Variants in EYS observed in about 807,000 individuals in gnomAD.
The protein encoded by EYS is protein eyes shut homolog.
A neutral mutation model predicts 282.1 loss-of-function variants in EYS; 250 were observed. The ratio of observed to expected loss-of-function variants is 0.89; its 90% CI spans 0.80 to 0.98. The LOEUF is 0.98. EYS is among the 50% of genes least tolerant of loss of function. EYS has a pLI of 0.00. For synonymous variants in EYS, 1,355 were observed against 1,282.9 expected (o/e 1.06, Z -1.20); for missense variants, 4,016 against 3,709.0 (o/e 1.08, Z -2.15).
chr6:64,997,772 C>T, intron 13 of EYS, 69 bp from the exon 14 acceptor site: 3 of 1,394,164 alleles, frequency 2.2e-6, no homozygotes, highest in Non-Finnish European at 2.9e-6. Context: ...TATAATTAGT[C>T]TAAAATTCTA....
chr6:64,240,737 C>T (rs1018263062), intron 30 of EYS, among the ~76,000 whole-genome samples: 1 of 152,086 alleles, frequency 6.6e-6, no homozygotes, highest in Non-Finnish European at 1.5e-5. Context: ...ATTGAATACC[C>T]CTTGTTTCTT....
intron 18 of EYS, among the ~76,000 whole-genome samples, chr6:64,890,057 C>CAG (rs1767235635): frequency 8.2e-6 from 1 of 121,832 alleles, no homozygotes; most frequent in Non-Finnish European, 1.8e-5. Flanking sequence ...CCCCCCCCCC[C>CAG]AAGGTGTGCC....
chr6:65,405,388 G>GAAAAAA, intron 5 of EYS, 21 bp from the exon 6 acceptor site: 2 of 1,484,970 alleles, frequency 1.3e-6, no homozygotes, highest in Non-Finnish European at 1.8e-6. Flanking sequence ...TCACACACAA[G>GAAAAAA]AAAAAAAAAG....
intron 35 of EYS, among the ~76,000 whole-genome samples, chr6:63,908,522 C>A (rs1773839782): frequency 6.6e-6 from 1 of 152,026 alleles, no homozygotes; most frequent in Non-Finnish European, 1.5e-5. Context: ...GCGATCTTGG[C>A]TCACTGCAAC....
chr6:64,283,928 A>G (rs892826759), intron 30 of EYS, among the ~76,000 whole-genome samples: 2 of 152,154 alleles, frequency 1.3e-5, no homozygotes, highest in African/African-American at 4.8e-5. Context: ...AATTATCCCC[A>G]CCAAGTCCCT....
intron 35 of EYS, among the ~76,000 whole-genome samples, chr6:63,979,002 A>T (rs1766971122): frequency 6.6e-6 from 1 of 151,958 alleles, no homozygotes; most frequent in Admixed American, 6.6e-5. Flanking sequence ...CTAAACAAAT[A>T]CATACCCTGT....
At chr6:64,124,089 A>G (rs1182988481) in intron 31 of EYS, among the ~76,000 whole-genome samples, 2 of 152,226 alleles carry the variant, frequency 1.3e-5, no homozygotes, top group African/African-American at 4.8e-5. Flanking sequence ...ATATAAAGAA[A>G]AGGCAGGGAA....
intron 35 of EYS, among the ~76,000 whole-genome samples, chr6:63,903,461 A>C (rs1562088193): frequency 6.6e-6 from 1 of 152,188 alleles, no homozygotes; most frequent in Non-Finnish European, 1.5e-5. Flanking sequence ...CTGAAATGGC[A>C]CTTAGGTACT....
At chr6:64,413,656 A>G (rs998706707) in intron 28 of EYS, among the ~76,000 whole-genome samples, 3 of 152,154 alleles carry the variant, frequency 2.0e-5, no homozygotes, top group Admixed American at 1.3e-4. Context: ...AAAGATAAAA[A>G]TATAGAAAAT....
chr6:65,409,389 C>T (rs1766885545), intron 5 of EYS, among the ~76,000 whole-genome samples: 1 of 152,170 alleles, frequency 6.6e-6, no homozygotes. Flanking sequence ...TCAATCTGTT[C>T]AATGTGCTGT....
At chr6:64,214,863 TATA>T (rs1420496153) in intron 31 of EYS, among the ~76,000 whole-genome samples, 1 of 152,028 alleles carries the variant, frequency 6.6e-6, no homozygotes, top group Non-Finnish European at 1.5e-5. Context: ...TTGATATGCA[TATA>T]ATATGTGTGT....
At chr6:64,331,913 G>A (rs1582610266) in intron 29 of EYS, among the ~76,000 whole-genome samples, 1 of 152,224 alleles carries the variant, frequency 6.6e-6, no homozygotes, top group South Asian at 2.1e-4. Flanking sequence ...TTTCCCACCA[G>A]GACAGAGAAA....
At chr6:64,308,801 T>C (rs1359637778) in intron 29 of EYS, among the ~76,000 whole-genome samples, 1 of 152,040 alleles carries the variant, frequency 6.6e-6, no homozygotes, top group Non-Finnish European at 1.5e-5. Context: ...ACGTCAAAAA[T>C]GACTGAACTA....
At chr6:64,921,374 G>C (rs1010037992) in intron 15 of EYS, among the ~76,000 whole-genome samples, 1 of 151,950 alleles carries the variant, frequency 6.6e-6, no homozygotes, top group Non-Finnish European at 1.5e-5. Flanking sequence ...CACTCAAATT[G>C]TCTTATTTTT....
At chr6:64,667,710 G>A (rs1270152113) in intron 22 of EYS, among the ~76,000 whole-genome samples, 1 of 151,854 alleles carries the variant, frequency 6.6e-6, no homozygotes, top group African/African-American at 2.4e-5. Flanking sequence ...CACTCAAAAG[G>A]TAATTTACAT....
At chr6:64,293,263 A>G (rs1045853006) in intron 30 of EYS, among the ~76,000 whole-genome samples, 1 of 152,106 alleles carries the variant, frequency 6.6e-6, no homozygotes, top group African/African-American at 2.4e-5. Context: ...TGTTTGCTTA[A>G]AAGTAGGGTT....
intron 29 of EYS, among the ~76,000 whole-genome samples, chr6:64,374,994 A>T (rs1182548625): frequency 6.6e-6 from 1 of 152,212 alleles, no homozygotes; most frequent in East Asian, 1.9e-4. Context: ...CTCTTAGCAA[A>T]ATTGCAGAAC....
intron 15 of EYS, among the ~76,000 whole-genome samples, chr6:64,923,237 T>G (rs1389389534): frequency 6.6e-6 from 1 of 151,960 alleles, no homozygotes; most frequent in Non-Finnish European, 1.5e-5. Flanking sequence ...ATGTCTTACA[T>G]GGTGGTGGCA....
chr6:64,654,575 T>A (rs1025052543), intron 22 of EYS, among the ~76,000 whole-genome samples: 35 of 152,316 alleles, frequency 2.3e-4, no homozygotes, highest in Admixed American at 2.3e-3. Flanking sequence ...AGCTGGGGCT[T>A]GCACTGTATA....
Sources: gnomAD v4.1 joint callset for allele counts (sites outside exome capture counted in the v4.1 genomes callset) on GRCh38, gnomAD v4.1.1 for gene constraint, MANE v1.5 for transcripts, NCBI Gene and HGNC (gene_info 2026-07-23, HGNC 2026-07-21) for gene names.